The following CLIP1 variants were observed in gnomAD, a reference collection of about 807,000 sequenced individuals.
CLIP1 encodes the protein CAP-Gly domain-containing linker protein 1.
In CLIP1, 66 loss-of-function variants were observed where a neutral mutation model predicts 161.6. That is an observed-to-expected ratio of 0.41 (90% confidence interval 0.33 to 0.50). The LOEUF is 0.50. Among genes scored for constraint, CLIP1 ranks in the 20% least tolerant of loss-of-function variants. The pLI, the probability that CLIP1 is intolerant of heterozygous loss-of-function variation, is 0.27. For synonymous variants in CLIP1, 598 were observed against 626.2 expected, an observed-to-expected ratio of 0.96 and a Z score of 0.67; for missense variants, 1,376 against 1,702.0, an observed-to-expected ratio of 0.81 and a Z score of 3.37.
At chr12:122,339,987 CTTTG>C (rs1242640429) in intron 11 of CLIP1, among the ~76,000 whole-genome samples, 3 of 151,988 alleles carry the variant, frequency 2.0e-5, no homozygotes, top group East Asian at 1.9e-4. Context: ...ATGGAACCGC[CTTTG>C]TTTATGTGGT....
intron 4 of CLIP1, among the ~76,000 whole-genome samples, 158 bp from the exon 5 acceptor site, chr12:122,361,339 T>C (rs1421243802): frequency 6.6e-6 from 1 of 152,256 alleles, no homozygotes; most frequent in Non-Finnish European, 1.5e-5. Context: ...GTCACATGTA[T>C]GTAGGCTAAC....
chr12:122,366,231 C>T (rs185395400), intron 3 of CLIP1, among the ~76,000 whole-genome samples: 22 of 151,144 alleles, frequency 1.5e-4, no homozygotes, highest in African/African-American at 3.6e-4. Flanking sequence ...AACTTGCACC[C>T]GGGAAGCGGA....
In CLIP1 at chr12:122,278,815, T is replaced by C. The variant is rs1355046582; in HGVS notation, c.3893A>G (p.Lys1298Arg). 3 of 1,606,360 alleles carry C rather than the reference T, an allele frequency of 1.9e-6. No individual in the cohort carries two copies. The highest frequency in any genetic ancestry group is 2.7e-5 in the African/African-American group (2 of 74,480). The change falls in exon 23 of 26, where the codon AAG becomes AGG. Residue 1298 changes from lysine (K) to arginine (R), a missense_variant. Physicochemically the swap from Lys to Arg is conservative, Grantham distance 26. Transcript: ENST00000620786. ...KNLELQLKENKRQLSSSSGNT... is the reference protein window; with the variant it reads ...KNLELQLKENRRQLSSSSGNT... ...ACCTGAGGAGCTGCTGAGCTGCCTC[T>C]TGTTTTCTTTGAGTTGAAGCTCCAA...
chr12:122,360,016 G>A (rs923932497), intron 5 of CLIP1, among the ~76,000 whole-genome samples: 2 of 152,160 alleles, frequency 1.3e-5, no homozygotes, highest in South Asian at 2.1e-4. Flanking sequence ...TAATGCTAGT[G>A]ATTCTATTTT....
intron 19 of CLIP1, among the ~76,000 whole-genome samples, chr12:122,313,880 G>A (rs1273237480): frequency 6.6e-6 from 1 of 152,142 alleles, no homozygotes; most frequent in East Asian, 1.9e-4. Flanking sequence ...CTAAGAGCCA[G>A]GTGCAGTGGC....
chr12:122,273,231 T>A (rs1363368421), intron 25 of CLIP1, 131 bp from the exon 26 acceptor site: 1 of 665,030 alleles, frequency 1.5e-6, no homozygotes, highest in Non-Finnish European at 2.6e-6. Flanking sequence ...GTATAAGTAG[T>A]GCATTATCCC....
chr12:122,421,227 C>T (rs765569412), intron 1 of CLIP1, among the ~76,000 whole-genome samples: 9 of 151,562 alleles, frequency 5.9e-5, no homozygotes, highest in Non-Finnish European at 1.2e-4. Context: ...AGCCTGGCCA[C>T]AAGATGCCTT....
rs1566135712 is a variant in CLIP1, at chr12:122,337,475, G to GAA, written c.2452-728_2452-727insTT. 3.8e-3 allele frequency among the ~76,000 whole-genome samples: 362 copies of GAA among 94,550 alleles called. 2 individuals carry two copies. The highest frequency in any genetic ancestry group is 0.014 in the African/African-American group (345 of 24,250). The allele number at this position is 94,550 out of a possible 152,430, so 62.0% of individuals were successfully genotyped here. ...AAAAAAAAAAAAGAAAGAAAAGAGAGATGGGGTCTCACCATGCTGCCCAGG... is the reference window on the plus strand; with the variant it reads ...AAAAAAAAAAAAGAAAGAAAAGAGAGAAATGGGGTCTCACCATGCTGCCCAGG... On this transcript the variant is annotated intron_variant, in intron 11 of 25. Coordinates refer to ENST00000620786, the MANE Select transcript of CLIP1 (RefSeq NM_001247997.2).
chr12:122,302,436 C>T (rs756190397), intron 20 of CLIP1, among the ~76,000 whole-genome samples: 4 of 152,068 alleles, frequency 2.6e-5, no homozygotes, highest in Non-Finnish European at 4.4e-5. Flanking sequence ...TCAGTAATCA[C>T]CAGGGTATTT....
chr12:122,407,772 A>AT, intron 1 of CLIP1, among the ~76,000 whole-genome samples: 1 of 150,778 alleles, frequency 6.6e-6, no homozygotes, highest in East Asian at 1.9e-4. Context: ...AAAAAAAAAA[A>AT]AGAATTGATT....
intron 5 of CLIP1, among the ~76,000 whole-genome samples, chr12:122,356,711 C>T (rs1408921287): frequency 2.6e-5 from 4 of 152,184 alleles, no homozygotes; most frequent in African/African-American, 9.7e-5. Flanking sequence ...TGTACTGCTG[C>T]CATCTCGGCT....
intron 15 of CLIP1, among the ~76,000 whole-genome samples, chr12:122,331,609 T>C (rs1163690249): frequency 1.3e-5 from 2 of 152,108 alleles, no homozygotes; most frequent in Admixed American, 6.6e-5. Context: ...TAAATGGGAA[T>C]AATGCTAAAC....
intron 6 of CLIP1, 178 bp downstream of exon 6, chr12:122,354,936 TG>T: frequency 1.6e-6 from 1 of 622,280 alleles, no homozygotes. Context: ...ACTTCATCTC[TG>T]TGATCATGGA....
chr12:122,306,315 C>A (rs1050940396), intron 20 of CLIP1, among the ~76,000 whole-genome samples: 1 of 152,058 alleles, frequency 6.6e-6, no homozygotes, highest in South Asian at 2.1e-4. Context: ...CTCTAGAGAA[C>A]CCCGACTAAT....
At chr12:122,411,338 C>T (rs1416718369) in intron 1 of CLIP1, among the ~76,000 whole-genome samples, 2 of 152,182 alleles carry the variant, frequency 1.3e-5, no homozygotes, top group South Asian at 2.1e-4. Context: ...TTTGCTTCAA[C>T]CCAGGAGGTG....
intron 20 of CLIP1, among the ~76,000 whole-genome samples, chr12:122,290,221 C>T (rs1956044589): frequency 6.6e-6 from 1 of 152,102 alleles, no homozygotes; most frequent in South Asian, 2.1e-4. Context: ...CTTAAATATA[C>T]ATTATGTTCT....
chr12:122,314,335 G>A (rs931348787), intron 19 of CLIP1, among the ~76,000 whole-genome samples: 4 of 151,612 alleles, frequency 2.6e-5, no homozygotes, highest in Admixed American at 1.3e-4. Context: ...GCTGGGCATG[G>A]CGACGCGCGC....
intron 4 of CLIP1, 67 bp from the exon 5 acceptor site, chr12:122,361,248 A>C: frequency 3.8e-6 from 5 of 1,325,272 alleles, no homozygotes; most frequent in Non-Finnish European, 5.3e-6. Context: ...CTATAACCAA[A>C]AGGTTCTCCC....
chr12:122,355,170 C>T lies in CLIP1; in HGVS notation c.1148G>A (p.Ser383Asn), dbSNP rs764436620. 10 of 1,614,236 alleles carry T rather than the reference C, an allele frequency of 6.2e-6. No individual in the cohort carries two copies. The South Asian group carries it at 9.9e-5, about 16-fold the overall frequency. ...CTCCTGCTCTATCTCCCCCACGTGGCTCGTGGCCTTGGCCACCTCCGCCCT... is the reference window on the plus strand; with the variant it reads ...CTCCTGCTCTATCTCCCCCACGTGGTTCGTGGCCTTGGCCACCTCCGCCCT... The part of the protein sequence containing the change: ...LERAEVAKAT[S>N]HVGEIEQELA... Residue 383 changes from serine to asparagine, a missense_variant, in exon 6 of 26, where the codon AGC becomes AAC. Physicochemically the swap from Ser to Asn is conservative, Grantham distance 46. Transcript: ENST00000620786. This position sits in a 1 kb window ranked among gnomAD's most constrained non-coding sequence, Gnocchi z 4.1.
Sources: gnomAD v4.1 joint callset for allele counts (sites outside exome capture counted in the v4.1 genomes callset) on GRCh38, gnomAD v4.1.1 for gene constraint, Gnocchi (gnomAD v3.1) non-coding constraint, MANE v1.5 for transcripts, NCBI Gene and HGNC (gene_info 2026-07-23, HGNC 2026-07-21) for gene names.